KIF1B: variants seen among roughly 807,000 people sequenced by gnomAD.
KIF1B encodes the protein kinesin family member 1B, also known as kinesin-like protein KIF1B.
A neutral mutation model predicts 241.9 loss-of-function variants in KIF1B; 76 were observed. The ratio of observed to expected loss-of-function variants is 0.31; its 90% CI spans 0.26 to 0.38. The LOEUF is 0.38. KIF1B is among the 10% of genes least tolerant of loss of function. The pLI, the probability that KIF1B is intolerant of heterozygous loss-of-function variation, is 1.00. For missense variants in KIF1B, 1,622 were observed against 2,271.4 expected, an observed-to-expected ratio of 0.71 and a Z score of 5.81; for synonymous variants, 750 against 796.7, an observed-to-expected ratio of 0.94 and a Z score of 0.99.
intron 38 of KIF1B, among the ~76,000 whole-genome samples, chr1:10,358,683 C>T (rs1446905022): frequency 1.3e-5 from 1 of 79,306 alleles, no homozygotes; most frequent in Non-Finnish European, 2.9e-5. Context: ...GACTCTGTCT[C>T]AAAAAAAAAA....
chr1:10,234,866 T>TA (rs1647029997), intron 2 of KIF1B, among the ~76,000 whole-genome samples: 2 of 151,542 alleles, frequency 1.3e-5, no homozygotes, highest in African/African-American at 4.8e-5. Flanking sequence ...AGACTAGACA[T>TA]ACTAAAATAA....
rs531534720 is a variant in KIF1B at position 10,241,198 on chromosome 1, A to G, written c.106+8764A>G. Among the ~76,000 whole-genome samples the G allele has an allele frequency of 7.4e-4, 112 of 151,924 alleles. 1 individual carries two copies. The highest frequency in any genetic ancestry group is 2.7e-3 in the African/African-American group (111 of 41,444). On this transcript the variant is annotated intron_variant, in intron 2 of 48. Transcript: ENST00000676179. ...ACAATCATGACCCACTGCAGCCTCA[A>G]CCTCCTGGGGCCAAGTGATCCGCCT...
chr1:10,360,949 C>G lies in KIF1B; in HGVS notation c.4076C>G (p.Ala1359Gly), dbSNP rs781544310. 6.2e-7 allele frequency: 1 copy of G among 1,613,512 alleles called. No individual in the cohort carries two copies. Among genetic ancestry groups the G allele is most frequent in the Non-Finnish European group, 8.5e-7 (1 of 1,179,548 alleles). Residue 1359 changes from alanine to glycine, a missense_variant, in exon 39 of 49, where the codon GCT becomes GGT. This residue lies in a region of KIF1B where 803 missense variants were observed against 1,112.0 expected (regional missense o/e 0.72). Transcript: ENST00000676179. ...NSSRTFYRFE[A>G]VWDSSLHNSL... is the part of the protein sequence containing the mutation. ...CTTAGGACCTTCTACCGCTTTGAGGCTGTGTGGGATAGCTCTCTGCATAAC... is the reference window on the plus strand; with the variant it reads ...CTTAGGACCTTCTACCGCTTTGAGGGTGTGTGGGATAGCTCTCTGCATAAC...
intron 1 of KIF1B, among the ~76,000 whole-genome samples, chr1:10,215,755 A>G (rs1306716781): frequency 6.6e-6 from 1 of 151,542 alleles, no homozygotes; most frequent in African/African-American, 2.4e-5. Context: ...TATATTGCCT[A>G]TTGCCCAGCC....
At chr1:10,335,665 T>C (rs1259605969) in intron 28 of KIF1B, among the ~76,000 whole-genome samples, 2 of 152,026 alleles carry the variant, frequency 1.3e-5, no homozygotes, top group Non-Finnish European at 2.9e-5. Flanking sequence ...GTACTTGTAA[T>C]AGACATTTGT....
Position 10,244,295 on chromosome 1 carries a change from ATTTTTCTTT to A in KIF1B, c.106+11872_106+11880del, listed in dbSNP as rs1182103055. ...GTATAAAATATTTTTATTGTGTGCC[ATTTTTCTTT>A]TTTTTCTTTTCTTTTTTTTTTTTTT... On this transcript the variant is annotated intron_variant, in intron 2 of 48. Transcript: ENST00000676179. Among the ~76,000 whole-genome samples the A allele has an allele frequency of 1.4e-4, 20 of 138,170 alleles. No homozygotes were observed. The East Asian group carries it at 2.9e-3, about 20-fold the overall frequency. 90.6% of individuals were successfully genotyped at this position (138,170 alleles called of 152,430 possible).
intron 27 of KIF1B, among the ~76,000 whole-genome samples, chr1:10,330,514 C>G (rs1439999136): frequency 7.6e-6 from 1 of 131,132 alleles, no homozygotes; most frequent in Non-Finnish European, 1.7e-5. Context: ...TTTTGAATAG[C>G]TATTTTTAAG....
At chr1:10,318,517 C>A (rs571692911) in intron 22 of KIF1B, among the ~76,000 whole-genome samples, 11 of 151,398 alleles carry the variant, frequency 7.3e-5, no homozygotes, top group Non-Finnish European at 1.6e-4. Context: ...GTCAGGAGTT[C>A]GAGATCAGCC....
intron 1 of KIF1B, among the ~76,000 whole-genome samples, chr1:10,224,189 T>C (rs1646881543): frequency 6.6e-6 from 1 of 152,130 alleles, no homozygotes; most frequent in African/African-American, 2.4e-5. Flanking sequence ...ATATCCCAGC[T>C]CACTGCAACC....
chr1:10,247,732 A>G (rs1223560901), intron 2 of KIF1B, among the ~76,000 whole-genome samples: 1 of 152,184 alleles, frequency 6.6e-6, no homozygotes, highest in Non-Finnish European at 1.5e-5. Context: ...ACCTAGGGTA[A>G]TGTTGGATAC....
At chr1:10,371,834 G>A (rs1638741277) in intron 45 of KIF1B, among the ~76,000 whole-genome samples, 1 of 152,148 alleles carries the variant, frequency 6.6e-6, no homozygotes, top group Admixed American at 6.5e-5. Context: ...TCGGGAGGCT[G>A]AAGTGGGAGG....
At chr1:10,265,239 TA>T (rs1557675121) in intron 5 of KIF1B, among the ~76,000 whole-genome samples, 2,047 of 122,342 alleles carry the variant, frequency 0.017, 56 homozygotes, top group African/African-American at 0.052. Flanking sequence ...TTTATTTATT[TA>T]TTTATTTATT....
chr1:10,300,237 AAAT>A lies in KIF1B; in HGVS notation c.2115+3020_2115+3022del, dbSNP rs367822978. On this transcript the variant is annotated intron_variant, in intron 22 of 48. Coordinates refer to ENST00000676179, the MANE Select transcript of KIF1B (RefSeq NM_001365951.3). Reference sequence around the variant, plus strand: ...GGGTGATAAAGCTAGACTCAGTGTCAAATAATAATAATAATAATAATAATAATA... The same window carrying A: ...GGGTGATAAAGCTAGACTCAGTGTCAAATAATAATAATAATAATAATAATA... Among the ~76,000 whole-genome samples, 379 of 143,888 alleles carry A rather than the reference AAAT, an allele frequency of 2.6e-3. 1 individual carries two copies. Among genetic ancestry groups the A allele is most frequent in the African/African-American group, 8.3e-3 (326 of 39,424 alleles). 94.4% of individuals were successfully genotyped at this position (143,888 alleles called of 152,430 possible). A position where few individuals can be genotyped will look rare whatever the true frequency, so the allele number is the denominator to read the frequency against.
chr1:10,238,443 C>T (rs1015229223), intron 2 of KIF1B, among the ~76,000 whole-genome samples: 1 of 149,796 alleles, frequency 6.7e-6, no homozygotes, highest in African/African-American at 2.5e-5. Flanking sequence ...ATGACTCATA[C>T]CTGTAATCTC....
At chr1:10,363,249 G>A in intron 40 of KIF1B, 34 bp from the exon 41 acceptor site, 2 of 1,550,976 alleles carry the variant, frequency 1.3e-6, no homozygotes, top group Non-Finnish European at 1.8e-6. Flanking sequence ...TGTGCTTTAA[G>A]AGATTAAACA....
chr1:10,361,875 G>A, intron 40 of KIF1B, 50 bp downstream of exon 40: 1 of 1,597,888 alleles, frequency 6.3e-7, no homozygotes. Flanking sequence ...CAGTACAACA[G>A]AATCATTAGT....
chr1:10,349,623 G>GTT (rs78332979), intron 37 of KIF1B, among the ~76,000 whole-genome samples: 6 of 143,038 alleles, frequency 4.2e-5, no homozygotes, highest in Admixed American at 1.4e-4. Context: ...AAATTAGAGG[G>GTT]TTTTTTTTTT....
chr1:10,381,559 A>G lies in KIF1B; in HGVS notation c.*4972A>G, dbSNP rs1437168713. On this transcript the variant is annotated 3_prime_UTR_variant, in exon 49 of 49. Coordinates refer to ENST00000676179, the MANE Select transcript of KIF1B (RefSeq NM_001365951.3). ...GGTAACCTTGCGTCACGGAGCTGTT[A>G]GTGAACGAGGTAAAAATAATAAAGG... 5.1e-6 allele frequency: 1 copy of G among 195,340 alleles called. No individual in the cohort carries two copies. Among genetic ancestry groups the G allele is most frequent in the African/African-American group, 2.3e-5 (1 of 43,224 alleles). 12.1% of individuals were successfully genotyped at this position (195,340 alleles called of 1,614,324 possible).
rs34039054 is a variant in KIF1B, at chr1:10,221,094, C to CTTT, written c.-80+10235_-80+10237dup. Among the ~76,000 whole-genome samples, 577 of 94,218 alleles carry CTTT rather than the reference C, an allele frequency of 6.1e-3. 45 individuals carry two copies. The highest frequency in any genetic ancestry group is 0.019 in the African/African-American group (446 of 23,244). 61.8% of individuals were successfully genotyped at this position (94,218 alleles called of 152,430 possible). A position where few individuals can be genotyped will look rare whatever the true frequency, so the allele number is the denominator to read the frequency against. On this transcript the variant is annotated intron_variant, in intron 1 of 48. Transcript: ENST00000676179. ...GATTGGGTTAGAATACAGAAAGAAG[C>CTTT]TTTTTTTTTTTTTTTTTTTTTGACA...
Sources: allele counts gnomAD v4.1 joint callset (sites outside exome capture counted in the v4.1 genomes callset), GRCh38; gene constraint gnomAD v4.1.1; regional missense constraint gnomAD v4.1.1; transcripts MANE v1.5; gene names NCBI Gene and HGNC (gene_info 2026-07-23, HGNC 2026-07-21).